Variants in COL6A5 observed in about 807,000 individuals in gnomAD.
The protein encoded by COL6A5 is collagen type VI alpha 5 chain, also known as collagen alpha-5(VI) chain.
Under a neutral mutation model 65.6 loss-of-function variants are expected in COL6A5, and 48 were observed. That is an observed-to-expected ratio of 0.73 (90% CI 0.58 to 0.93). The LOEUF is 0.93. COL6A5 is among the 40% of genes least tolerant of loss of function. The probability of loss-of-function intolerance (pLI) is 0.00; values close to 1 mark genes in which losing one functional copy is unlikely to be tolerated. For missense variants in COL6A5, 914 were observed against 928.3 expected (o/e 0.98, Z 0.20); for synonymous variants, 291 against 322.8 (o/e 0.90, Z 1.05).
At chr3:130,418,907 GC>G in exon 25 of COL6A5, 1 of 1,550,754 alleles carries the variant, frequency 6.4e-7, no homozygotes, top group Non-Finnish European at 8.7e-7. Context: ...GGCCAGTGGG[GC>G]AAACTGGGCA....
At chr3:130,406,152 A>G (rs572953732) in exon 16 of COL6A5, 1 of 1,550,546 alleles carries the variant, frequency 6.4e-7, no homozygotes, top group Non-Finnish European at 8.7e-7. Flanking sequence ...AGACGATGGG[A>G]TTGATGGACT....
chr3:130,362,613 T>C (rs953561043), intron 1 of COL6A5, among the ~76,000 whole-genome samples: 17 of 152,266 alleles, frequency 1.1e-4, no homozygotes, highest in African/African-American at 3.6e-4. Flanking sequence ...TTGTTTATTC[T>C]GAGTCTTTTG....
intron 5 of COL6A5, among the ~76,000 whole-genome samples, chr3:130,388,339 G>A (rs1374392510): frequency 7.2e-6 from 1 of 138,284 alleles, no homozygotes; most frequent in African/African-American, 2.9e-5. Context: ...ATGAATAAAT[G>A]AGTTATGCAT....
chr3:130,403,790 G>T, intron 13 of COL6A5, 128 bp downstream of exon 13: 1 of 565,752 alleles, frequency 1.8e-6, no homozygotes, highest in South Asian at 5.2e-5. Flanking sequence ...GGGGTAGATG[G>T]GGTTTTGTTT....
rs1279499436 is a variant in COL6A5 at position 130,472,100 on chromosome 3, A to G, written c.2328+1133A>G. 2.0e-5 allele frequency among the ~76,000 whole-genome samples: 3 copies of G among 152,208 alleles called. No homozygotes were observed. The East Asian group carries it at 5.8e-4, about 30-fold the overall frequency. On this transcript the variant is annotated intron_variant, in intron 7 of 7. Coordinates refer to ENST00000512836, the Ensembl canonical transcript of COL6A5. ...GAGATAAAACTTCAGAAAGGCAAAA[A>G]ATAGTCTTTGTTGACATATTCGAAT...
chr3:130,387,644 T>G (rs773305031), intron 5 of COL6A5, among the ~76,000 whole-genome samples: 2 of 152,014 alleles, frequency 1.3e-5, no homozygotes, highest in Non-Finnish European at 2.9e-5. Flanking sequence ...CATCTTTTCA[T>G]TTTTTTAATA....
At chr3:130,419,939 A>C (rs1011360234) in intron 25 of COL6A5, among the ~76,000 whole-genome samples, 1 of 152,136 alleles carries the variant, frequency 6.6e-6, no homozygotes, top group African/African-American at 2.4e-5. Context: ...CCAGAGGCTT[A>C]CAGGGGAAAA....
chr3:130,439,240 T>C (rs567142564), intron 1 of COL6A5, among the ~76,000 whole-genome samples: 1 of 152,272 alleles, frequency 6.6e-6, no homozygotes, highest in Admixed American at 6.5e-5. Context: ...TGAGTGAATC[T>C]GGTCAGGTTA....
chr3:130,408,783 G>C (rs1198866228), intron 17 of COL6A5, among the ~76,000 whole-genome samples: 3 of 152,094 alleles, frequency 2.0e-5, no homozygotes, highest in African/African-American at 2.4e-5. Context: ...GTGACACTTA[G>C]GGAAAATAGA....
chr3:130,410,022 A>G, exon 19 of COL6A5: 1 of 1,549,252 alleles, frequency 6.5e-7, no homozygotes, highest in East Asian at 2.4e-5. Flanking sequence ...AATCCAGGAC[A>G]AAACAATAAC....
intron 3 of COL6A5, among the ~76,000 whole-genome samples, chr3:130,378,897 A>G (rs931492920): frequency 6.6e-6 from 1 of 152,214 alleles, no homozygotes; most frequent in African/African-American, 2.4e-5. Flanking sequence ...GTGAAATAAT[A>G]CAATCTAGTT....
intron 15 of COL6A5, 53 bp downstream of exon 15, chr3:130,406,072 G>A (rs184893880): frequency 2.1e-4 from 332 of 1,548,216 alleles, no homozygotes; most frequent in Non-Finnish European, 2.6e-4. Flanking sequence ...ATTAGTTTCC[G>A]AATAAGCGTG....
chr3:130,435,919 CTTTA>C (rs1485587094), intron 1 of COL6A5, among the ~76,000 whole-genome samples: 1 of 152,032 alleles, frequency 6.6e-6, no homozygotes, highest in Non-Finnish European at 1.5e-5. Context: ...TTCGAATATC[CTTTA>C]TTTCTTTCTC....
intron 4 of COL6A5, among the ~76,000 whole-genome samples, chr3:130,444,191 G>A (rs1709253871): frequency 1.3e-5 from 2 of 152,214 alleles, no homozygotes; most frequent in South Asian, 4.1e-4. Flanking sequence ...CTGTTGTCCT[G>A]TTCTTTTTTC....
chr3:130,353,335 T>C (rs563852176), intron 1 of COL6A5, among the ~76,000 whole-genome samples: 1 of 152,296 alleles, frequency 6.6e-6, no homozygotes, highest in Admixed American at 6.5e-5. Flanking sequence ...ACGGGTCTGA[T>C]GCGAAAATAC....
chr3:130,410,061 A>C, exon 19 of COL6A5: 1 of 1,548,526 alleles, frequency 6.5e-7, no homozygotes, highest in East Asian at 2.4e-5. Flanking sequence ...TCCAAAGGAG[A>C]ACAAGGAAGA....
intron 5 of COL6A5, among the ~76,000 whole-genome samples, chr3:130,459,528 T>C (rs1211753552): frequency 6.6e-6 from 1 of 152,036 alleles, no homozygotes; most frequent in African/African-American, 2.4e-5. Context: ...ATCTAGTGAA[T>C]AGAGATCATT....
chr3:130,429,629 T>G, upstream of COL6A5: 1 of 1,506,154 alleles, frequency 6.6e-7, no homozygotes, highest in South Asian at 1.3e-5. Context: ...TCATTACTGC[T>G]GCATTCCAAC....
At chr3:130,370,952 G>C (rs549235945) in intron 1 of COL6A5, among the ~76,000 whole-genome samples, 21 of 152,278 alleles carry the variant, frequency 1.4e-4, no homozygotes, top group African/African-American at 4.8e-4. Flanking sequence ...CTGGGCTCCA[G>C]TGTTCATAAG....
Sources: gnomAD v4.1 joint callset for allele counts (sites outside exome capture counted in the v4.1 genomes callset) on GRCh38, gnomAD v4.1.1 for gene constraint, MANE v1.5 for transcripts, NCBI Gene and HGNC (gene_info 2026-07-23, HGNC 2026-07-21) for gene names.